Variants in RELN observed in about 807,000 individuals in gnomAD.
The protein encoded by RELN is reelin.
In RELN, 108 loss-of-function variants were observed where a neutral mutation model predicts 427.6. The ratio of observed to expected loss-of-function variants is 0.25; its 90% CI spans 0.22 to 0.30. The LOEUF (loss-of-function observed/expected upper bound fraction) is 0.30. Ranked by LOEUF, RELN falls within the 10% of genes least tolerant of loss-of-function variation. RELN has a pLI of 1.00. For synonymous variants in RELN, 1,524 were observed against 1,513.4 expected (o/e 1.01, Z -0.16); for missense variants, 3,715 against 4,302.8 (o/e 0.86, Z 3.82).
intron 1 of RELN, among the ~76,000 whole-genome samples, chr7:103,975,203 G>A (rs548495643): frequency 6.6e-6 from 1 of 152,296 alleles, no homozygotes; most frequent in South Asian, 2.1e-4. Context: ...TCTTGGCACT[G>A]CCACTTTCAG....
intron 4 of RELN, among the ~76,000 whole-genome samples, chr7:103,758,979 G>A (rs948735400): frequency 6.6e-6 from 1 of 151,886 alleles, no homozygotes; most frequent in African/African-American, 2.4e-5. Flanking sequence ...GATTACATAT[G>A]TATTTTACTA....
At chr7:103,661,598 G>C in intron 11 of RELN, 71 bp from the exon 12 acceptor site, 2 of 1,396,882 alleles carry the variant, frequency 1.4e-6, no homozygotes, top group East Asian at 4.8e-5. Context: ...ATAACATTTA[G>C]TTTTTAGTGA....
At position 103,838,393 on chromosome 7, in the gene RELN, A is replaced by G. The variant is rs568829821; in HGVS notation, c.338-4721T>C. On this transcript the variant is annotated intron_variant, in intron 2 of 64. Coordinates refer to ENST00000428762, the MANE Select transcript of RELN (RefSeq NM_005045.4). ...TTCAGAATAGGTCATAACTGGTCTA[A>G]AATATAGAAAAACAAATCTATGTTT... Among the ~76,000 whole-genome samples, 4 of 152,270 alleles carry G rather than the reference A, an allele frequency of 2.6e-5. No homozygotes were observed. The East Asian group carries it at 7.7e-4, about 29-fold the overall frequency.
At chr7:103,507,710 C>A (rs1220792782) in intron 51 of RELN, among the ~76,000 whole-genome samples, 1 of 151,892 alleles carries the variant, frequency 6.6e-6, no homozygotes. Context: ...GATAGAGACA[C>A]AAAATACCCT....
At position 103,593,709 on chromosome 7, in the gene RELN, C is replaced by G. The variant is rs1438985946; in HGVS notation, c.3885G>C (p.Leu1295=). 1 of 1,613,974 alleles carries G rather than the reference C, an allele frequency of 6.2e-7. No homozygotes were observed. Among genetic ancestry groups the G allele is most frequent in the East Asian group, 2.2e-5 (1 of 44,848 alleles). ...DRFAVTRDLT[L]KPGYVLQFKL... is the part of the protein sequence containing the mutation. The stretch of plus-strand genomic sequence containing the variant: ...TGAACTGTAGCACATATCCAGGTTT[C>G]AGGGTCAAATCTCGAGTTACTGCAA... Residue 1295 remains leucine, a synonymous_variant, in exon 27 of 65, where the codon CTG becomes CTC. Coordinates refer to ENST00000428762, the MANE Select transcript of RELN (RefSeq NM_005045.4).
At chr7:103,733,299 G>A (rs956020002) in intron 6 of RELN, among the ~76,000 whole-genome samples, 1 of 150,562 alleles carries the variant, frequency 6.6e-6, no homozygotes, top group Non-Finnish European at 1.5e-5. Context: ...AACAGGTGCT[G>A]GAGAGGATGT....
chr7:103,622,602 C>CA (rs1479545534), intron 20 of RELN, among the ~76,000 whole-genome samples: 1 of 152,170 alleles, frequency 6.6e-6, no homozygotes. Flanking sequence ...TTGGCTGCCT[C>CA]AGGGTATCTG....
intron 3 of RELN, among the ~76,000 whole-genome samples, chr7:103,813,058 G>C (rs1792781837): frequency 6.6e-6 from 1 of 152,096 alleles, no homozygotes; most frequent in Non-Finnish European, 1.5e-5. Flanking sequence ...AGTATCATCT[G>C]AGAACTTAAT....
intron 1 of RELN, among the ~76,000 whole-genome samples, chr7:103,949,644 T>C (rs1209589146): frequency 6.6e-6 from 1 of 151,562 alleles, no homozygotes; most frequent in African/African-American, 2.4e-5. Context: ...CCAGCTAATC[T>C]ACAGTAATTT....
At chr7:103,652,850 A>G (rs1832951501) in intron 13 of RELN, 91 bp from the exon 14 acceptor site, 2 of 1,100,662 alleles carry the variant, frequency 1.8e-6, no homozygotes. Context: ...AACGCTATGT[A>G]CATAACTGCC....
intron 64 of RELN, among the ~76,000 whole-genome samples, chr7:103,476,880 A>G (rs1475167198): frequency 6.6e-6 from 1 of 152,222 alleles, no homozygotes; most frequent in African/African-American, 2.4e-5. Context: ...TAAGAAGTGC[A>G]ATGAACTTTT....
rs1359142697 is a variant in RELN, at chr7:103,551,227, C to T, written c.6142G>A (p.Gly2048Arg). The T allele has an allele frequency of 6.2e-7, 1 of 1,614,012 alleles. No homozygotes were observed. The highest frequency in any genetic ancestry group is 1.3e-5 in the African/African-American group (1 of 75,004). The change falls in exon 41 of 65, where the codon GGG becomes AGG. Residue 2048 changes from glycine to arginine, a missense_variant. Physicochemically the swap from Gly to Arg is moderately radical, Grantham distance 125. Transcript: ENST00000428762. ...GGCAGCAGAAGGTGCCAGGTCGCCCCGAAGTCCCTTGAAAATTCCAGTCTC... is the reference window on the plus strand; with the variant it reads ...GGCAGCAGAAGGTGCCAGGTCGCCCTGAAGTCCCTTGAAAATTCCAGTCTC... The part of the protein sequence containing the change: ...PVRLEFSRDF[G>R]ATWHLLLPLC...
intron 3 of RELN, among the ~76,000 whole-genome samples, chr7:103,798,688 G>A (rs1316293049): frequency 6.6e-6 from 1 of 152,172 alleles, no homozygotes; most frequent in Non-Finnish European, 1.5e-5. Context: ...CTAGGGCATT[G>A]CTTTGCCCGC....
At chr7:103,862,879 C>T (rs910408201) in intron 2 of RELN, among the ~76,000 whole-genome samples, 1 of 151,930 alleles carries the variant, frequency 6.6e-6, no homozygotes, top group African/African-American at 2.4e-5. Flanking sequence ...AGAGAATGGA[C>T]GTGGCTGTTC....
At chr7:103,945,999 C>T (rs11982483) in intron 1 of RELN, among the ~76,000 whole-genome samples, 1,570 of 152,268 alleles carry the variant, frequency 0.01, 20 homozygotes, top group African/African-American at 0.035. Context: ...GCTAATGACA[C>T]ATTTCTCAGA....
At chr7:103,622,344 A>C (rs1216866703) in intron 20 of RELN, among the ~76,000 whole-genome samples, 1 of 152,192 alleles carries the variant, frequency 6.6e-6, no homozygotes, top group Non-Finnish European at 1.5e-5. Context: ...CAAATAGTCC[A>C]TTCATCCACT....
At chr7:103,717,756 C>G (rs1789975170) in intron 8 of RELN, among the ~76,000 whole-genome samples, 1 of 151,902 alleles carries the variant, frequency 6.6e-6, no homozygotes, top group Non-Finnish European at 1.5e-5. Context: ...TCCCCAAGGT[C>G]TTACTCACCA....
At chr7:103,474,530 G>A (rs960842249) in intron 64 of RELN, among the ~76,000 whole-genome samples, 1 of 152,018 alleles carries the variant, frequency 6.6e-6, no homozygotes, top group Non-Finnish European at 1.5e-5. Flanking sequence ...ATCAGTTTCA[G>A]TGTCACAGTT....
At chr7:103,822,086 T>G (rs566679532) in intron 3 of RELN, among the ~76,000 whole-genome samples, 1 of 152,142 alleles carries the variant, frequency 6.6e-6, no homozygotes, top group Non-Finnish European at 1.5e-5. Flanking sequence ...CAATATGCAC[T>G]GATTTAATGT....
Sources: allele counts gnomAD v4.1 joint callset (sites outside exome capture counted in the v4.1 genomes callset), GRCh38; gene constraint gnomAD v4.1.1; transcripts MANE v1.5; gene names NCBI Gene and HGNC (gene_info 2026-07-23, HGNC 2026-07-21).